KSR2: variants seen among roughly 807,000 people sequenced by gnomAD.
KSR2 encodes kinase suppressor of ras 2.
In KSR2, 25 loss-of-function variants were observed where a neutral mutation model predicts 107.8. The ratio of observed to expected loss-of-function variants is 0.23; its 90% confidence interval spans 0.17 to 0.32. The LOEUF (loss-of-function observed/expected upper bound fraction) is 0.32. Among genes scored for constraint, KSR2 ranks in the 10% least tolerant of loss-of-function variants. The pLI, the probability that KSR2 is intolerant of heterozygous loss-of-function variation, is 1.00. For synonymous variants in KSR2, 480 were observed against 507.0 expected, an observed-to-expected ratio of 0.95 and a Z score of 0.71; for missense variants, 887 against 1,268.9, an observed-to-expected ratio of 0.70 and a Z score of 4.57.
At chr12:117,495,526 C>T (rs1362240241) in intron 14 of KSR2, among the ~76,000 whole-genome samples, 1 of 152,204 alleles carries the variant, frequency 6.6e-6, no homozygotes, top group Non-Finnish European at 1.5e-5. Flanking sequence ...GGGGAAGGCT[C>T]ACATCCTAGC....
At chr12:117,619,390 T>C (rs1044901635) in intron 5 of KSR2, among the ~76,000 whole-genome samples, 5 of 151,854 alleles carry the variant, frequency 3.3e-5, no homozygotes, top group African/African-American at 1.2e-4. Flanking sequence ...GGCCCCAGTG[T>C]GTGATGTTCC....
At chr12:117,748,842 G>C (rs1888508458) in intron 4 of KSR2, among the ~76,000 whole-genome samples, 1 of 152,024 alleles carries the variant, frequency 6.6e-6, no homozygotes, top group South Asian at 2.1e-4. Context: ...ATATTTGAGA[G>C]GTGATCCTAG....
At chr12:117,953,707 C>A (rs1328252316) in intron 1 of KSR2, among the ~76,000 whole-genome samples, 7 of 151,994 alleles carry the variant, frequency 4.6e-5, no homozygotes, top group African/African-American at 1.4e-4. Context: ...CTGTTTGAAA[C>A]AATAAAAAAA....
At chr12:117,524,182 A>G (rs1325189563) in intron 14 of KSR2, among the ~76,000 whole-genome samples, 1 of 152,066 alleles carries the variant, frequency 6.6e-6, no homozygotes, top group African/African-American at 2.4e-5. Flanking sequence ...AATATTTACT[A>G]TTGGGCCCCT....
chr12:117,550,266 C>T (rs1205868444), intron 9 of KSR2, among the ~76,000 whole-genome samples: 1 of 152,082 alleles, frequency 6.6e-6, no homozygotes, highest in East Asian at 1.9e-4. Flanking sequence ...GAGGTTGTGC[C>T]AAGTAATAAG....
rs138676332 is a variant in KSR2 at position 117,693,749 on chromosome 12, G to A, written c.987-26091C>T. 5.3e-4 allele frequency among the ~76,000 whole-genome samples: 80 copies of A among 152,142 alleles called. 1 individual carries two copies. In the East Asian group the frequency reaches 9.7e-3, roughly 18 times the overall value. ...CTTTATATGCACAATCTCATGGAGC[G>A]CTCCCAACCCCAGGAAGCGGGTCCT... On this transcript the variant is annotated intron_variant, in intron 4 of 19. Transcript: ENST00000339824.
chr12:117,548,360 T>C lies in KSR2; in HGVS notation c.1518+6809A>G, dbSNP rs533461900. ...CTCCTTTTCCTCAGCCTACTCAACA[T>C]GAAAACGACAAGGATGAAGACCTTT... On this transcript the variant is annotated intron_variant, in intron 9 of 19. Transcript: ENST00000339824. Among the ~76,000 whole-genome samples the C allele has an allele frequency of 7.9e-5, 12 of 152,252 alleles. 2 individuals are homozygous for C. The South Asian group carries it at 2.5e-3, about 32-fold the overall frequency.
In KSR2 at chr12:117,547,922, C is replaced by T. The variant is rs141253818; in HGVS notation, c.1518+7247G>A. On this transcript the variant is annotated intron_variant, in intron 9 of 19. Coordinates refer to ENST00000339824, the MANE Select transcript of KSR2 (RefSeq NM_173598.6). ...CCAGCCTGGCCAACTAGTGAAACCC[C>T]ATCTCTACTAAAAATATTCTGAAAA... Among the ~76,000 whole-genome samples, 460 of 152,148 alleles carry T rather than the reference C, an allele frequency of 3.0e-3. 2 individuals are homozygous for T. Among genetic ancestry groups the T allele is most frequent in the African/African-American group, 0.011 (442 of 41,506 alleles).
chr12:117,758,595 C>T (rs938430587), intron 4 of KSR2, among the ~76,000 whole-genome samples: 1 of 152,166 alleles, frequency 6.6e-6, no homozygotes, highest in African/African-American at 2.4e-5. Context: ...CTTAACGCCA[C>T]CTGAGTCCTG....
At chr12:117,833,345 G>A (rs1892056861) in intron 3 of KSR2, among the ~76,000 whole-genome samples, 1 of 152,154 alleles carries the variant, frequency 6.6e-6, no homozygotes, top group African/African-American at 2.4e-5. Flanking sequence ...CCTTGGGACA[G>A]GAGTGCATTT....
intron 3 of KSR2, among the ~76,000 whole-genome samples, chr12:117,819,131 C>T (rs571819150): frequency 9.9e-5 from 15 of 152,236 alleles, no homozygotes; most frequent in Admixed American, 7.2e-4. Flanking sequence ...GTACCGCCCC[C>T]TCACTGTGGC....
At chr12:117,968,029 CTTTTTTT>C (rs34834989) in intron 1 of KSR2, 40 bp downstream of exon 1, 10,705 of 670,412 alleles carry the variant, frequency 0.016, 3 homozygotes, top group East Asian at 0.061. Flanking sequence ...AGAAGGATTG[CTTTTTTT>C]TTTTTTTTTT....
chr12:117,590,889 G>T (rs574768098), intron 5 of KSR2, among the ~76,000 whole-genome samples: 17 of 152,098 alleles, frequency 1.1e-4, no homozygotes, highest in Non-Finnish European at 1.9e-4. Flanking sequence ...TCAGCAGAAA[G>T]ATTTTTTCCA....
chr12:117,718,767 C>A (rs887084785), intron 4 of KSR2, among the ~76,000 whole-genome samples: 2 of 152,206 alleles, frequency 1.3e-5, no homozygotes, highest in African/African-American at 4.8e-5. Flanking sequence ...TTAGCCTCTT[C>A]GGCATAGGGC....
chr12:117,480,832 C>T (rs561433816), intron 16 of KSR2, among the ~76,000 whole-genome samples: 4 of 152,214 alleles, frequency 2.6e-5, no homozygotes, highest in South Asian at 4.2e-4. Flanking sequence ...TGTTTGCACA[C>T]AAGTCTTTAA....
At chr12:117,720,398 A>G (rs527337958) in intron 4 of KSR2, among the ~76,000 whole-genome samples, 50 of 152,190 alleles carry the variant, frequency 3.3e-4, no homozygotes, top group Non-Finnish European at 6.0e-4. Context: ...TGTATATATA[A>G]TATTAGAGTG....
At chr12:117,732,270 G>A (rs138601886) in intron 4 of KSR2, among the ~76,000 whole-genome samples, 92 of 151,868 alleles carry the variant, frequency 6.1e-4, no homozygotes, top group South Asian at 1.3e-3. Flanking sequence ...GGGATGACTC[G>A]GTGTCTGCTT....
chr12:117,726,807 A>G (rs916448738), intron 4 of KSR2, among the ~76,000 whole-genome samples: 6 of 152,224 alleles, frequency 3.9e-5, no homozygotes, highest in African/African-American at 1.4e-4. Context: ...GTAGCTATTT[A>G]CCCAAGAGAA....
At chr12:117,767,237 C>A (rs571291498) in intron 3 of KSR2, among the ~76,000 whole-genome samples, 82 of 144,756 alleles carry the variant, frequency 5.7e-4, no homozygotes, top group Non-Finnish European at 7.0e-4. Context: ...CACAGTGAAA[C>A]CCCGTCTCTA....
Sources: gnomAD v4.1 joint callset for allele counts (sites outside exome capture counted in the v4.1 genomes callset) on GRCh38, gnomAD v4.1.1 for gene constraint, MANE v1.5 for transcripts, NCBI Gene and HGNC (gene_info 2026-07-23, HGNC 2026-07-21) for gene names.